Variants in MTMR14 observed in about 807,000 individuals in gnomAD.
The protein encoded by MTMR14 is phosphatidylinositol-3,5-bisphosphate 3-phosphatase MTMR14.
MTMR14 carries 48 observed loss-of-function variants against 86.3 expected under a neutral mutation model. That is an observed-to-expected ratio of 0.56 (90% CI 0.44 to 0.71). The LOEUF (loss-of-function observed/expected upper bound fraction) is 0.71, where lower values mean the gene tolerates loss of function less well. MTMR14 is among the 30% of genes least tolerant of loss of function. MTMR14 has a pLI of 0.00. For missense variants in MTMR14, 780 were observed against 834.6 expected (o/e 0.93, Z 0.81); for synonymous variants, 366 against 326.1 (o/e 1.12, Z -1.32).
chr3:9,690,096 T>C lies in MTMR14; in HGVS notation c.1566T>C (p.Asp522=). 1 of 1,613,728 alleles carries C rather than the reference T, an allele frequency of 6.2e-7. No individual in the cohort carries two copies. The highest frequency in any genetic ancestry group is 8.5e-7 in the Non-Finnish European group (1 of 1,180,016). The change falls in exon 17 of 19, where the codon GAT becomes GAC. Residue 522 remains aspartate, a synonymous_variant. Coordinates refer to ENST00000296003, the MANE Select transcript of MTMR14 (RefSeq NM_001077525.3). ...GCTCCTCTTCCTCAAACCATTCTGA[T>C]AACTTTTTCAGGATGGGTAGCAGTC... The part of the protein sequence containing the change: ...SSSSSSSNHS[D]NFFRMGSSPL...
At chr3:9,699,204 A>C (rs2076379274) in intron 18 of MTMR14, among the ~76,000 whole-genome samples, 1 of 151,974 alleles carries the variant, frequency 6.6e-6, no homozygotes, top group South Asian at 2.1e-4. Flanking sequence ...CCTTTCTGTA[A>C]AGACTTCCTA....
chr3:9,697,889 C>A (rs1250676868), intron 18 of MTMR14, 23 bp downstream of exon 18: 1 of 1,613,704 alleles, frequency 6.2e-7, no homozygotes, highest in Non-Finnish European at 8.5e-7. Context: ...CTTGAGAAGG[C>A]AGGATGCTCC....
intron 13 of MTMR14, among the ~76,000 whole-genome samples, chr3:9,687,391 T>G (rs1297823259): frequency 6.6e-6 from 1 of 151,860 alleles, no homozygotes; most frequent in East Asian, 1.9e-4. Context: ...CTGTCTCTAA[T>G]AAAAATGCGA....
intron 5 of MTMR14, among the ~76,000 whole-genome samples, chr3:9,670,139 A>G (rs2125123035): frequency 6.6e-6 from 1 of 152,360 alleles, no homozygotes; most frequent in East Asian, 1.9e-4. Context: ...TACCACATGG[A>G]AAGTCTTTAA....
chr3:9,702,156 C>T lies in MTMR14; in HGVS notation c.*183C>T, dbSNP rs1298379588. Reference sequence around the variant, plus strand: ...AAGACAGGGTTTTCCAACCCCCAGCCTCTTGACTGGTGACCACCACCCCTT... The same window carrying T: ...AAGACAGGGTTTTCCAACCCCCAGCTTCTTGACTGGTGACCACCACCCCTT... On this transcript the variant is annotated 3_prime_UTR_variant, in exon 19 of 19. Transcript: ENST00000296003. 1.4e-6 allele frequency: 1 copy of T among 735,424 alleles called. No individual in the cohort carries two copies. Among genetic ancestry groups the T allele is most frequent in the African/African-American group, 1.7e-5 (1 of 57,694 alleles). The allele number at this position is 735,424 out of a possible 1,614,324, so 45.6% of individuals were successfully genotyped here. A position where few individuals can be genotyped will look rare whatever the true frequency, so the allele number is the denominator to read the frequency against.
intron 2 of MTMR14, among the ~76,000 whole-genome samples, chr3:9,655,480 T>C (rs1396375713): frequency 3.1e-5 from 1 of 32,024 alleles, no homozygotes; most frequent in Non-Finnish European, 4.8e-5. Context: ...TTTTTTTTTT[T>C]TGAGACAGAG....
Position 9,677,843 on chromosome 3 carries a change from C to T in MTMR14, c.823-141C>T, listed in dbSNP as rs573861899. ...GGTCACATTGATTTTTAAGCTGTCA[C>T]TCCCAGGTAGCACAGGTATCTGGCC... On this transcript the variant is annotated intron_variant, in intron 8 of 18. Transcript: ENST00000296003. The surrounding 1 kb of genome is among the most constrained non-coding windows in gnomAD (Gnocchi z 4.2). 8.7e-6 allele frequency: 6 copies of T among 686,024 alleles called. No individual in the cohort carries two copies. Among genetic ancestry groups the T allele is most frequent in the Admixed American group, 8.1e-5 (3 of 36,960 alleles). The allele number at this position is 686,024 out of a possible 1,614,324, so 42.5% of individuals were successfully genotyped here. A position where few individuals can be genotyped will look rare whatever the true frequency, so the allele number is the denominator to read the frequency against.
Position 9,701,524 on chromosome 3 carries a change from G to GAAA in MTMR14, c.1770-254_1770-252dup. 121 of 442,218 alleles carry GAAA rather than the reference G, an allele frequency of 2.7e-4. No individual in the cohort carries two copies. The highest frequency in any genetic ancestry group is 6.5e-4 in the Middle Eastern group (1 of 1,550). 27.4% of individuals were successfully genotyped at this position (442,218 alleles called of 1,614,324 possible). ...GCAATAGAGTGAGACCTTGTCTCAA[G>GAAA]AAAAAAAAAAAAAAGGTTAGTGTCC... On this transcript the variant is annotated intron_variant, in intron 18 of 18. Transcript: ENST00000296003. The surrounding 1 kb of genome is among the most constrained non-coding windows in gnomAD (Gnocchi z 4.2).
At chr3:9,682,944 G>T (rs535451353) in intron 9 of MTMR14, among the ~76,000 whole-genome samples, 1 of 108,064 alleles carries the variant, frequency 9.3e-6, no homozygotes, top group Non-Finnish European at 1.9e-5. Context: ...CCCCCCCCCC[G>T]CCCCCGCCCC....
At position 9,683,169 on chromosome 3, in the gene MTMR14, C is replaced by T. The variant is rs368155257; in HGVS notation, c.898-9C>T. ...TTAATGTCCATTTCTTCTCACTTTT[C>T]TCCAACAGTGTTGGGATCTGGTGCA... is the stretch of plus-strand genomic sequence containing the variant. On this transcript the variant is annotated splice_polypyrimidine_tract_variant and intron_variant, in intron 9 of 18. Transcript: ENST00000296003. The T allele has an allele frequency of 1.2e-6, 2 of 1,613,474 alleles. No homozygotes were observed. Among genetic ancestry groups the T allele is most frequent in the Non-Finnish European group, 1.7e-6 (2 of 1,179,392 alleles).
chr3:9,668,975 T>TA (rs1319284117), intron 4 of MTMR14, among the ~76,000 whole-genome samples, 181 bp downstream of exon 4: 1 of 151,486 alleles, frequency 6.6e-6, no homozygotes, highest in Non-Finnish European at 1.5e-5. Context: ...CCATCTCTAC[T>TA]AAAAAATACC....
intron 9 of MTMR14, among the ~76,000 whole-genome samples, chr3:9,678,665 C>T (rs999002123): frequency 6.6e-6 from 1 of 152,224 alleles, no homozygotes; most frequent in African/African-American, 2.4e-5. Flanking sequence ...TTCCTCTTGT[C>T]TGGCTGACAT....
Position 9,684,926 on chromosome 3 carries a change from C to T in MTMR14, c.1089C>T (p.Ile363=), listed in dbSNP as rs769182078. The change falls in exon 12 of 19, where the codon ATC becomes ATT. Residue 363 remains isoleucine, a synonymous_variant. Coordinates refer to ENST00000296003, the MANE Select transcript of MTMR14 (RefSeq NM_001077525.3). The part of the protein sequence containing the change: ...LIHTSLKPTE[I]LYLTVAYDWF... ...ACACGTCCCTGAAGCCCACTGAGAT[C>T]CTCTACCTCACTGTGGCCTATGACT... 6 of 1,614,172 alleles carry T rather than the reference C, an allele frequency of 3.7e-6. No individual in the cohort carries two copies. Among genetic ancestry groups the T allele is most frequent in the Admixed American group, 1.7e-5 (1 of 60,022 alleles).
At chr3:9,657,549 T>C (rs2047679365) in intron 2 of MTMR14, among the ~76,000 whole-genome samples, 1 of 150,708 alleles carries the variant, frequency 6.6e-6, no homozygotes, top group Non-Finnish European at 1.5e-5. Flanking sequence ...TCACCACTCT[T>C]TTTTTTTTTC....
chr3:9,682,223 T>G (rs2075791754), intron 9 of MTMR14, among the ~76,000 whole-genome samples: 1 of 152,192 alleles, frequency 6.6e-6, no homozygotes, highest in Admixed American at 6.5e-5. Context: ...GTCTCTGTAG[T>G]CACTAAAAGT....
chr3:9,659,726 G>C (rs1310224384), intron 2 of MTMR14: 4 of 455,994 alleles, frequency 8.8e-6, no homozygotes, highest in Non-Finnish European at 1.8e-5. Flanking sequence ...ACAGGCATGA[G>C]CCACTGTGCC....
chr3:9,677,925 A>T lies in MTMR14; in HGVS notation c.823-59A>T. ...CAGCCTCAGGACTGCAAGCTTCCCC[A>T]TCACCTAAGCCTCCTCTGGTGGCCA... On this transcript the variant is annotated intron_variant, in intron 8 of 18. Coordinates refer to ENST00000296003, the MANE Select transcript of MTMR14 (RefSeq NM_001077525.3). The surrounding 1 kb of genome is among the most constrained non-coding windows in gnomAD (Gnocchi z 4.2). 1 of 1,526,774 alleles carries T rather than the reference A, an allele frequency of 6.5e-7. No homozygotes were observed. The highest frequency in any genetic ancestry group is 9.0e-7 in the Non-Finnish European group (1 of 1,107,016). The allele number at this position is 1,526,774 out of a possible 1,614,324, so 94.6% of individuals were successfully genotyped here.
intron 2 of MTMR14, among the ~76,000 whole-genome samples, chr3:9,656,789 C>G (rs557264918): frequency 2.6e-4 from 40 of 152,016 alleles, no homozygotes; most frequent in African/African-American, 5.3e-4. Flanking sequence ...GTTTTGTTTT[C>G]TTTGTTTTTG....
chr3:9,672,371 C>G (rs138347824), intron 6 of MTMR14, among the ~76,000 whole-genome samples: 3,988 of 152,230 alleles, frequency 0.026, 167 homozygotes, highest in African/African-American at 0.09. Context: ...TCCTGAGTAG[C>G]TGGGATTACA....
Sources: allele counts gnomAD v4.1 joint callset (sites outside exome capture counted in the v4.1 genomes callset), GRCh38; gene constraint gnomAD v4.1.1; non-coding constraint Gnocchi (gnomAD v3.1); transcripts MANE v1.5; gene names NCBI Gene and HGNC (gene_info 2026-07-23, HGNC 2026-07-21).